Variants in PDGFRA observed in about 807,000 individuals in gnomAD.
PDGFRA encodes the protein platelet-derived growth factor receptor alpha.
PDGFRA carries 25 observed loss-of-function variants against 121.5 expected under a neutral mutation model. The observed-to-expected ratio is 0.21, with a 90% confidence interval of 0.15 to 0.29. The LOEUF (loss-of-function observed/expected upper bound fraction) is 0.29, where lower values mean the gene tolerates loss of function less well. PDGFRA is among the 10% of genes least tolerant of loss of function. The probability of loss-of-function intolerance (pLI) is 1.00; values close to 1 mark genes in which losing one functional copy is unlikely to be tolerated. For synonymous variants in PDGFRA, 463 were observed against 494.8 expected, an observed-to-expected ratio of 0.94 and a Z score of 0.85; for missense variants, 1,008 against 1,345.1, an observed-to-expected ratio of 0.75 and a Z score of 3.92.
At chr4:54,290,158 G>A (rs1724551586) in intron 21 of PDGFRA, among the ~76,000 whole-genome samples, 155 bp from the exon 22 acceptor site, 1 of 152,228 alleles carries the variant, frequency 6.6e-6, no homozygotes, top group Admixed American at 6.5e-5. Context: ...TGTCTCTGGG[G>A]ATAGTTGACA....
chr4:54,249,595 C>T (rs547755461), intron 1 of PDGFRA, among the ~76,000 whole-genome samples: 9 of 151,896 alleles, frequency 5.9e-5, no homozygotes, highest in South Asian at 2.1e-4. Flanking sequence ...GAGAACAACA[C>T]GGACACAGGA....
intron 1 of PDGFRA, among the ~76,000 whole-genome samples, chr4:54,247,894 G>A (rs1206496804): frequency 1.3e-5 from 2 of 152,116 alleles, no homozygotes; most frequent in East Asian, 3.8e-4. Context: ...CAAAATCAAT[G>A]TACAAAAATC....
At chr4:54,287,372 C>T in intron 18 of PDGFRA, 58 bp from the exon 19 acceptor site, 1 of 795,224 alleles carries the variant, frequency 1.3e-6, no homozygotes, top group Non-Finnish European at 2.3e-6. Flanking sequence ...TCTATTTCCA[C>T]TGCTGTGGAT....
intron 9 of PDGFRA, among the ~76,000 whole-genome samples, chr4:54,273,224 A>G (rs1723500786): frequency 6.6e-6 from 1 of 152,156 alleles, no homozygotes; most frequent in Non-Finnish European, 1.5e-5. Context: ...ATCATTAAAT[A>G]TGGTTGAAGT....
chr4:54,249,452 C>T (rs1721914073), intron 1 of PDGFRA, among the ~76,000 whole-genome samples: 1 of 152,028 alleles, frequency 6.6e-6, no homozygotes, highest in Non-Finnish European at 1.5e-5. Context: ...TAGTATGCAG[C>T]CATAAAAAAT....
At position 54,297,467 on chromosome 4, in the gene PDGFRA, T is replaced by G. The variant is rs1407091062; in HGVS notation, c.*2195T>G. 4.3e-6 allele frequency: 1 copy of G among 233,610 alleles called. No individual in the cohort carries two copies. The highest frequency in any genetic ancestry group is 8.5e-6 in the Non-Finnish European group (1 of 118,072). The allele number at this position is 233,610 out of a possible 1,614,324, so 14.5% of individuals were successfully genotyped here. A position where few individuals can be genotyped will look rare whatever the true frequency, so the allele number is the denominator to read the frequency against. On this transcript the variant is annotated 3_prime_UTR_variant, in exon 23 of 23. Coordinates refer to ENST00000257290, the MANE Select transcript of PDGFRA (RefSeq NM_006206.6). The stretch of plus-strand genomic sequence containing the variant: ...ATTAGACTTGAAATACGTTTGTGTT[T>G]CTAGAATCACAGCTCAAGCATTCTG...
rs1433433627 is a variant in PDGFRA at position 54,295,375 on chromosome 4, A to G, written c.*103A>G. ...AGAGGTTGAGAGGAGGACTTGGTTG[A>G]TGTTTAAAGAGAAGTTCCCAGCCAA... On this transcript the variant is annotated 3_prime_UTR_variant, in exon 23 of 23. Coordinates refer to ENST00000257290, the MANE Select transcript of PDGFRA (RefSeq NM_006206.6). 12 of 1,170,308 alleles carry G rather than the reference A, an allele frequency of 1.0e-5. No individual in the cohort carries two copies. The African/African-American group carries it at 1.5e-4, about 15-fold the overall frequency. The allele number at this position is 1,170,308 out of a possible 1,614,324, so 72.5% of individuals were successfully genotyped here.
At chr4:54,279,447 AT>A (rs1017563521) in intron 15 of PDGFRA, among the ~76,000 whole-genome samples, 26 of 152,096 alleles carry the variant, frequency 1.7e-4, no homozygotes, top group African/African-American at 5.6e-4. Flanking sequence ...AGATCAAGTC[AT>A]TTTCCTTACA....
intron 1 of PDGFRA, among the ~76,000 whole-genome samples, chr4:54,234,377 A>C (rs1342737963): frequency 1.4e-4 from 21 of 152,274 alleles, no homozygotes; most frequent in Admixed American, 1.3e-3. Context: ...AATTCCTCGC[A>C]GCGGCGTCTG....
intron 1 of PDGFRA, among the ~76,000 whole-genome samples, chr4:54,236,630 T>C (rs1442626610): frequency 1.3e-5 from 2 of 152,118 alleles, no homozygotes; most frequent in Admixed American, 1.3e-4. Context: ...GGTGAAACCC[T>C]GTCTGTACTA....
chr4:54,256,608 G>A lies in PDGFRA; in HGVS notation c.-12-2149G>A, dbSNP rs963474752. On this transcript the variant is annotated intron_variant, in intron 1 of 22. Coordinates refer to ENST00000257290, the MANE Select transcript of PDGFRA (RefSeq NM_006206.6). ...CGCCCACACTGGAGTGCAATGGTGC[G>A]ATCTCAGCTCACTGCAGCCTCTGCC... is the stretch of plus-strand genomic sequence containing the variant. Among the ~76,000 whole-genome samples, 17 of 151,420 alleles carry A rather than the reference G, an allele frequency of 1.1e-4. No homozygotes were observed. In the South Asian group the frequency reaches 2.9e-3, roughly 26 times the overall value.
At chr4:54,248,460 T>C (rs188429242) in intron 1 of PDGFRA, among the ~76,000 whole-genome samples, 1,529 of 152,228 alleles carry the variant, frequency 0.01, 19 homozygotes, top group African/African-American at 0.034. Context: ...AAACAAGCAA[T>C]GGGGAAAGGA....
intron 16 of PDGFRA, chr4:54,281,631 C>G: frequency 7.4e-7 from 1 of 1,359,412 alleles, no homozygotes; most frequent in South Asian, 1.2e-5. Flanking sequence ...GAGTCATGCT[C>G]AGGCCCAAGC....
intron 1 of PDGFRA, among the ~76,000 whole-genome samples, chr4:54,252,885 A>G (rs1722134692): frequency 1.3e-5 from 2 of 151,104 alleles, no homozygotes; most frequent in Non-Finnish European, 2.9e-5. Flanking sequence ...GTCCGTTTAC[A>G]CTACCTTTGC....
In PDGFRA at chr4:54,285,856, C is replaced by T. The variant is rs1577742193; in HGVS notation, c.2455C>T (p.Leu819=). ...TTCCATGCAGTGTGTCCACCGTGATCTGGCTGCTCGCAACGTCCTCCTGGC... is the reference window on the plus strand; with the variant it reads ...TTCCATGCAGTGTGTCCACCGTGATTTGGCTGCTCGCAACGTCCTCCTGGC... The part of the protein sequence containing the change: ...LASKNCVHRD[L]AARNVLLAQG... The change falls in exon 18 of 23, where the codon CTG becomes TTG. Residue 819 remains leucine, a synonymous_variant. Coordinates refer to ENST00000257290, the MANE Select transcript of PDGFRA (RefSeq NM_006206.6). 27 of 1,614,106 alleles carry T rather than the reference C, an allele frequency of 1.7e-5. No individual in the cohort carries two copies. The highest frequency in any genetic ancestry group is 2.3e-5 in the Non-Finnish European group (27 of 1,179,976).
At chr4:54,267,137 C>A in intron 5 of PDGFRA, 152 bp from the exon 6 acceptor site, 1 of 777,154 alleles carries the variant, frequency 1.3e-6, no homozygotes, top group Non-Finnish European at 2.3e-6. Flanking sequence ...CATGTGTAGC[C>A]TCCCACCTTG....
chr4:54,244,587 C>T (rs957626077), intron 1 of PDGFRA, among the ~76,000 whole-genome samples: 1 of 152,088 alleles, frequency 6.6e-6, no homozygotes, highest in African/African-American at 2.4e-5. Context: ...TCATCAAAGA[C>T]CGAAAGTAGA....
intron 15 of PDGFRA, chr4:54,278,913 C>CACT (rs2110319037): frequency 2.2e-6 from 1 of 461,660 alleles, no homozygotes. Context: ...CTATAAATGA[C>CACT]GTCAATGATA....
At position 54,297,011 on chromosome 4, in the gene PDGFRA, A is replaced by G; in HGVS notation, c.*1739A>G. ...TCCCGTCTTCTGCCTCCCACTCCAT[A>G]CCCCGCCAAGGAAAGGCATGTACAA... is the stretch of plus-strand genomic sequence containing the variant. On this transcript the variant is annotated 3_prime_UTR_variant, in exon 23 of 23. Coordinates refer to ENST00000257290, the MANE Select transcript of PDGFRA (RefSeq NM_006206.6). 4.3e-6 allele frequency: 1 copy of G among 232,770 alleles called. No individual in the cohort carries two copies. The allele number at this position is 232,770 out of a possible 1,614,324, so 14.4% of individuals were successfully genotyped here.
Sources: allele counts gnomAD v4.1 joint callset (sites outside exome capture counted in the v4.1 genomes callset), GRCh38; gene constraint gnomAD v4.1.1; transcripts MANE v1.5; gene names NCBI Gene and HGNC (gene_info 2026-07-23, HGNC 2026-07-21).